TTF2: variants seen among roughly 807,000 people sequenced by gnomAD.
TTF2 encodes transcription termination factor 2.
Under a neutral mutation model 142.4 loss-of-function variants are expected in TTF2, and 108 were observed. That is an observed-to-expected ratio of 0.76 (90% CI 0.65 to 0.89). The LOEUF (loss-of-function observed/expected upper bound fraction) is 0.89. TTF2 is among the 40% of genes least tolerant of loss of function. The probability of loss-of-function intolerance (pLI) is 0.00; values close to 1 mark genes in which losing one functional copy is unlikely to be tolerated. For synonymous variants in TTF2, 483 were observed against 506.2 expected, an observed-to-expected ratio of 0.95 and a Z score of 0.61; for missense variants, 1,327 against 1,379.8, an observed-to-expected ratio of 0.96 and a Z score of 0.61.
rs962566355 is a variant in TTF2 at position 117,100,325 on chromosome 1, T to G, written c.3345-1055T>G. On this transcript the variant is annotated intron_variant, in intron 22 of 22. Transcript: ENST00000369466. The surrounding 1 kb of genome is among the most constrained non-coding windows in gnomAD (Gnocchi z 4.6). ...AAGTCCTTTAGTTATATTTTCTAAA[T>G]GTTTCTGATAACCATTTCTTCCTTC... Among the ~76,000 whole-genome samples, 3 of 152,204 alleles carry G rather than the reference T, an allele frequency of 2.0e-5. No individual in the cohort carries two copies. Among genetic ancestry groups the G allele is most frequent in the African/African-American group, 4.8e-5 (2 of 41,446 alleles).
intron 3 of TTF2, among the ~76,000 whole-genome samples, chr1:117,065,522 C>G (rs181087011): frequency 1.7e-3 from 266 of 152,142 alleles, no homozygotes; most frequent in Middle Eastern, 3.4e-3. Flanking sequence ...GGCGTGAACC[C>G]GGAGGCAGAG....
Position 117,092,698 on chromosome 1 carries a change from C to A in TTF2, c.2806-33C>A, listed in dbSNP as rs376473177. The A allele has an allele frequency of 1.9e-5, 30 of 1,595,370 alleles. No individual in the cohort carries two copies. The African/African-American group carries it at 3.8e-4, about 20-fold the overall frequency. ...AGTAACAAGGTTTGCTCCCTTGACT[C>A]CCAGCTGCTCCTGTCCTTTTTTGTC... On this transcript the variant is annotated intron_variant, in intron 17 of 22. Coordinates refer to ENST00000369466, the MANE Select transcript of TTF2 (RefSeq NM_003594.4). The surrounding 1 kb of genome is among the most constrained non-coding windows in gnomAD (Gnocchi z 4.4).
At position 117,101,438 on chromosome 1, in the gene TTF2, G is replaced by T; in HGVS notation, c.3403G>T (p.Asp1135Tyr). Residue 1135 changes from aspartate (D) to tyrosine (Y), a missense_variant, in exon 23 of 23, where the codon GAT becomes TAT. Physicochemically the swap from Asp to Tyr is radical, Grantham distance 160. Coordinates refer to ENST00000369466, the MANE Select transcript of TTF2 (RefSeq NM_003594.4). This position sits in a 1 kb window ranked among gnomAD's most constrained non-coding sequence, Gnocchi z 5.9. ...CTTACAGCTCCAAGAAAAAAAGAAA[G>T]ATTTGGCCAAACAAGTTCTATCAGG... ...KILQLQEKKK[D>Y]LAKQVLSGSG... is the part of the protein sequence containing the mutation. 1 of 1,611,022 alleles carries T rather than the reference G, an allele frequency of 6.2e-7. No homozygotes were observed. Among genetic ancestry groups the T allele is most frequent in the Non-Finnish European group, 8.5e-7 (1 of 1,179,414 alleles).
rs1430998952 is a variant in TTF2, at chr1:117,097,435, T to G, written c.3269+2T>G. 6.2e-7 allele frequency: 1 copy of G among 1,614,014 alleles called. No individual in the cohort carries two copies. Among genetic ancestry groups the G allele is most frequent in the Non-Finnish European group, 8.5e-7 (1 of 1,179,992 alleles). On this transcript the variant is annotated splice_donor_variant, in intron 21 of 22. Coordinates refer to ENST00000369466, the MANE Select transcript of TTF2 (RefSeq NM_003594.4). LOFTEE classifies it high-confidence loss of function. This position sits in a 1 kb window ranked among gnomAD's most constrained non-coding sequence, Gnocchi z 4.1. ...CCTCTTTCTTTTGGACATGCACTGG[T>G]AATGATTCCGGATTTGTCCTGGGTT...
In TTF2 at chr1:117,076,895, C is replaced by A; in HGVS notation, c.1573+72C>A. ...GTTACGTGCCACCCGGTACAGTAGT[C>A]ACCTCTTATCCACACTTTCAGTTAA... On this transcript the variant is annotated intron_variant, in intron 7 of 22. Transcript: ENST00000369466. The surrounding 1 kb of genome is among the most constrained non-coding windows in gnomAD (Gnocchi z 4.6). The A allele has an allele frequency of 2.9e-6, 4 of 1,389,500 alleles. No homozygotes were observed. Among genetic ancestry groups the A allele is most frequent in the Non-Finnish European group, 3.9e-6 (4 of 1,024,600 alleles). 86.1% of individuals were successfully genotyped at this position (1,389,500 alleles called of 1,614,324 possible). A position where few individuals can be genotyped will look rare whatever the true frequency, so the allele number is the denominator to read the frequency against.
Position 117,092,889 on chromosome 1 carries a change from A to C in TTF2, c.2964A>C (p.Arg988=). 3 of 1,614,186 alleles carry C rather than the reference A, an allele frequency of 1.9e-6. No individual in the cohort carries two copies. Among genetic ancestry groups the C allele is most frequent in the Non-Finnish European group, 1.7e-6 (2 of 1,180,034 alleles). The change falls in exon 18 of 23, where the codon CGA becomes CGC. Residue 988 remains arginine, a synonymous_variant. Transcript: ENST00000369466. The surrounding 1 kb of genome is among the most constrained non-coding windows in gnomAD (Gnocchi z 4.4). ...FFKMELFEGM[R]ESTKISSLLA... ...AGATGGAGCTTTTTGAAGGCATGCG[A>C]GAGAGCACCAAGGTACTTTTTGTCT...
At chr1:117,069,962 A>C (rs146914739) in intron 3 of TTF2, among the ~76,000 whole-genome samples, 1 of 152,242 alleles carries the variant, frequency 6.6e-6, no homozygotes, top group African/African-American at 2.4e-5. Context: ...CTTATAGTGG[A>C]ATTGATATTT....
rs1023526279 is a variant in TTF2 at position 117,085,171 on chromosome 1, T to A, written c.2054+1003T>A. On this transcript the variant is annotated intron_variant, in intron 11 of 22. Transcript: ENST00000369466. The surrounding 1 kb of genome is among the most constrained non-coding windows in gnomAD (Gnocchi z 4.7). ...GTTGACCGATTAGAATCATTCTGAA[T>A]TATACTTCTTTATATGATAGTAGGG... is the stretch of plus-strand genomic sequence containing the variant. Among the ~76,000 whole-genome samples, 8 of 152,248 alleles carry A rather than the reference T, an allele frequency of 5.3e-5. No individual in the cohort carries two copies. Among genetic ancestry groups the A allele is most frequent in the Non-Finnish European group, 1.2e-4 (8 of 68,046 alleles).
Position 117,097,496 on chromosome 1 carries a change from G to A in TTF2, c.3269+63G>A. The A allele has an allele frequency of 6.7e-7, 1 of 1,481,932 alleles. No homozygotes were observed. The highest frequency in any genetic ancestry group is 1.7e-5 in the Admixed American group (1 of 59,762). 91.8% of individuals were successfully genotyped at this position (1,481,932 alleles called of 1,614,324 possible). A position where few individuals can be genotyped will look rare whatever the true frequency, so the allele number is the denominator to read the frequency against. ...ATCAAGGAGGCCAGTGGGCTACAGG[G>A]GCAGCAAGAACTGACTTCTTATGTT... On this transcript the variant is annotated intron_variant, in intron 21 of 22. Transcript: ENST00000369466. This position sits in a 1 kb window ranked among gnomAD's most constrained non-coding sequence, Gnocchi z 4.1.
chr1:117,094,412 A>T (rs1305574168), intron 18 of TTF2, among the ~76,000 whole-genome samples: 1 of 152,116 alleles, frequency 6.6e-6, no homozygotes, highest in East Asian at 1.9e-4. Context: ...GGTTTTTCAC[A>T]TGAGCAGCTG....
intron 3 of TTF2, among the ~76,000 whole-genome samples, chr1:117,069,666 A>C (rs1335876901): frequency 6.6e-6 from 1 of 152,204 alleles, no homozygotes; most frequent in Non-Finnish European, 1.5e-5. Flanking sequence ...GCAGTCAATT[A>C]AGGTGTCTGA....
At position 117,080,161 on chromosome 1, in the gene TTF2, C is replaced by T. The variant is rs1285395243; in HGVS notation, c.1783+512C>T. Among the ~76,000 whole-genome samples, 1 of 152,128 alleles carries T rather than the reference C, an allele frequency of 6.6e-6. No homozygotes were observed. ...AGTAGCTGGGATTACAGGCAGATGC[C>T]ACCACGCCTGGCTAATTTTTTGTAT... On this transcript the variant is annotated intron_variant, in intron 9 of 22. Transcript: ENST00000369466. The surrounding 1 kb of genome is among the most constrained non-coding windows in gnomAD (Gnocchi z 4.3).
chr1:117,094,829 T>C, intron 18 of TTF2: 1 of 359,526 alleles, frequency 2.8e-6, no homozygotes. Flanking sequence ...AAAGGTGCTA[T>C]GATAGTACTT....
intron 10 of TTF2, among the ~76,000 whole-genome samples, chr1:117,082,912 A>G (rs949499520): frequency 1.3e-5 from 2 of 152,216 alleles, no homozygotes; most frequent in Non-Finnish European, 2.9e-5. Context: ...GTAAGTTGCC[A>G]TGTATTCAAG....
In TTF2 at chr1:117,079,760, T is replaced by C; in HGVS notation, c.1783+111T>C. ...AAGAACTCTATGAGGCAGGTACTATTATTCCTCATTTTACAGATGATGAAA... is the reference window on the plus strand; with the variant it reads ...AAGAACTCTATGAGGCAGGTACTATCATTCCTCATTTTACAGATGATGAAA... On this transcript the variant is annotated intron_variant, in intron 9 of 22. Coordinates refer to ENST00000369466, the MANE Select transcript of TTF2 (RefSeq NM_003594.4). The surrounding 1 kb of genome is among the most constrained non-coding windows in gnomAD (Gnocchi z 4.2). 1 of 1,008,030 alleles carries C rather than the reference T, an allele frequency of 9.9e-7. No individual in the cohort carries two copies. Among genetic ancestry groups the C allele is most frequent in the Non-Finnish European group, 1.5e-6 (1 of 656,730 alleles). 62.4% of individuals were successfully genotyped at this position (1,008,030 alleles called of 1,614,324 possible).
chr1:117,065,214 C>T (rs1012267118), intron 3 of TTF2, among the ~76,000 whole-genome samples: 4 of 152,168 alleles, frequency 2.6e-5, no homozygotes, highest in Non-Finnish European at 4.4e-5. Context: ...AAAATTTCCA[C>T]AGAAAACCCT....
rs1480623983 is a variant in TTF2 at position 117,105,255 on chromosome 1, A to T, written c.*3731A>T. The T allele has an allele frequency of 6.6e-6, 1 of 152,222 alleles. No homozygotes were observed. The highest frequency in any genetic ancestry group is 1.5e-5 in the Non-Finnish European group (1 of 68,030). 9.4% of individuals were successfully genotyped at this position (152,222 alleles called of 1,614,324 possible). A position where few individuals can be genotyped will look rare whatever the true frequency, so the allele number is the denominator to read the frequency against. ...AACCAGATGGTGAACATCTGTCTCC[A>T]AAGTGCAACATTCCTGAGCACCGGA... On this transcript the variant is annotated 3_prime_UTR_variant, in exon 23 of 23. Transcript: ENST00000369466. The surrounding 1 kb of genome is among the most constrained non-coding windows in gnomAD (Gnocchi z 4.7).
chr1:117,096,272 G>T lies in TTF2; in HGVS notation c.3159G>T (p.Glu1053Asp). ...VNPKQRMDLV[E>D]AFNHSRGPQV... ...CCAAGCAGAGAATGGACTTGGTAGA[G>T]GCATTTAACCACTCCAGAGGCCCTC... The change falls in exon 20 of 23, where the codon GAG (glutamate) becomes GAT (aspartate). Residue 1053 changes from glutamate to aspartate, a missense_variant. Transcript: ENST00000369466. The T allele has an allele frequency of 6.2e-7, 1 of 1,614,156 alleles. No individual in the cohort carries two copies.
rs772471883 is a variant in TTF2, at chr1:117,090,660, G to T, written c.2588+37G>T. On this transcript the variant is annotated intron_variant, in intron 15 of 22. Coordinates refer to ENST00000369466, the MANE Select transcript of TTF2 (RefSeq NM_003594.4). The surrounding 1 kb of genome is among the most constrained non-coding windows in gnomAD (Gnocchi z 4.8). ...AAAGAAGCACCTTCTCACACACATT[G>T]TTTTATTCCTGTCTTTTCTTGGGAG... 1 of 1,540,826 alleles carries T rather than the reference G, an allele frequency of 6.5e-7. No individual in the cohort carries two copies. The highest frequency in any genetic ancestry group is 8.9e-7 in the Non-Finnish European group (1 of 1,121,358).
Sources: gnomAD v4.1 joint callset for allele counts (sites outside exome capture counted in the v4.1 genomes callset) on GRCh38, gnomAD v4.1.1 for gene constraint, Gnocchi (gnomAD v3.1) non-coding constraint, MANE v1.5 for transcripts, NCBI Gene and HGNC (gene_info 2026-07-23, HGNC 2026-07-21) for gene names.